The following TRIM2 variants were observed in gnomAD, a reference collection of about 807,000 sequenced individuals.
The protein encoded by TRIM2 is tripartite motif-containing protein 2.
TRIM2 carries 20 observed loss-of-function variants against 75.2 expected under a neutral mutation model. That is an observed-to-expected ratio of 0.27 (90% CI 0.19 to 0.39). TRIM2 has a LOEUF of 0.39. Among genes scored for constraint, TRIM2 ranks in the 10% least tolerant of loss-of-function variants. The pLI is 1.00. For missense variants in TRIM2, 660 were observed against 990.8 expected, an observed-to-expected ratio of 0.67 and a Z score of 4.48; for synonymous variants, 373 against 388.3, an observed-to-expected ratio of 0.96 and a Z score of 0.46.
intron 1 of TRIM2, among the ~76,000 whole-genome samples, chr4:153,264,244 A>C (rs139644218): frequency 6.6e-6 from 1 of 152,214 alleles, no homozygotes; most frequent in Non-Finnish European, 1.5e-5. Context: ...GCTAAGGTCA[A>C]TATCAAACTA....
chr4:153,263,480 T>A (rs6819145), intron 1 of TRIM2, among the ~76,000 whole-genome samples: 5,404 of 152,266 alleles, frequency 0.035, 308 homozygotes, highest in African/African-American at 0.12. Context: ...TCCGTTTCCA[T>A]GTTATATTTC....
rs144326471 is a variant in TRIM2 at position 153,318,124 on chromosome 4, A to G, written c.1782+2125A>G. ...TTTGGTCAGCTGTGATCTGGGCTTCATGTCCTCATGCAGGCACCTGGTGGT... is the reference window on the plus strand; with the variant it reads ...TTTGGTCAGCTGTGATCTGGGCTTCGTGTCCTCATGCAGGCACCTGGTGGT... On this transcript the variant is annotated intron_variant, in intron 8 of 11. Coordinates refer to ENST00000338700, the MANE Select transcript of TRIM2 (RefSeq NM_015271.5). Among the ~76,000 whole-genome samples, 1,219 of 152,340 alleles carry G rather than the reference A, an allele frequency of 8.0e-3. 18 individuals are homozygous for G. Among genetic ancestry groups the G allele is most frequent in the African/African-American group, 0.027 (1,107 of 41,560 alleles).
At chr4:153,333,091 G>C (rs184251125) in intron 11 of TRIM2, among the ~76,000 whole-genome samples, 1 of 152,252 alleles carries the variant, frequency 6.6e-6, no homozygotes, top group East Asian at 1.9e-4. Context: ...ATAGGTTCAT[G>C]ATTAAACAAA....
At chr4:153,310,477 A>G (rs987560563) in intron 6 of TRIM2, among the ~76,000 whole-genome samples, 10 of 152,232 alleles carry the variant, frequency 6.6e-5, no homozygotes, top group African/African-American at 1.7e-4. Context: ...ACATTGCAGC[A>G]TAATGACAAT....
intron 11 of TRIM2, among the ~76,000 whole-genome samples, chr4:153,330,106 C>T (rs1179965720): frequency 6.6e-6 from 1 of 152,144 alleles, no homozygotes; most frequent in African/African-American, 2.4e-5. Flanking sequence ...AAAATACCAA[C>T]TCCACAACTC....
intron 1 of TRIM2, among the ~76,000 whole-genome samples, chr4:153,205,391 G>A (rs902992788): frequency 1.3e-5 from 2 of 152,150 alleles, no homozygotes; most frequent in Admixed American, 6.5e-5. Context: ...GGCACCTGTC[G>A]TAGCTCACGG....
intron 1 of TRIM2, among the ~76,000 whole-genome samples, chr4:153,221,763 T>TAAGGAAGGAAGGAAAGCGC (rs370972042): frequency 0.13 from 9,659 of 76,198 alleles, 1,516 homozygotes; most frequent in African/African-American, 0.39. Context: ...AGGGAGGAAA[T>TAAGGAAGGAAGGAAAGCGC]AAGGAAGGAA....
Position 153,221,216 on chromosome 4 carries a change from T to A in TRIM2, c.30+16656T>A, listed in dbSNP as rs537061339. 4.6e-5 allele frequency among the ~76,000 whole-genome samples: 7 copies of A among 152,136 alleles called. No individual in the cohort carries two copies. The South Asian group carries it at 1.5e-3, about 32-fold the overall frequency. ...TGGATTCCTGAGTAAACTGAAAAAA[T>A]TTTGCTGAGTGAAAGAAGCCAGACA... On this transcript the variant is annotated intron_variant, in intron 1 of 11. Transcript: ENST00000338700.
At chr4:153,329,765 A>T (rs1579797540) in intron 11 of TRIM2, among the ~76,000 whole-genome samples, 1 of 151,996 alleles carries the variant, frequency 6.6e-6, no homozygotes, top group Non-Finnish European at 1.5e-5. Flanking sequence ...TGAACCCAGG[A>T]GGAAGAGGCT....
intron 1 of TRIM2, among the ~76,000 whole-genome samples, chr4:153,245,890 G>T (rs552429936): frequency 2.4e-4 from 36 of 152,218 alleles, no homozygotes; most frequent in African/African-American, 7.7e-4. Flanking sequence ...TGTTGCCCAG[G>T]CTGGTCTCAA....
At chr4:153,162,927 T>C (rs1415356290) in intron 1 of TRIM2, among the ~76,000 whole-genome samples, 1 of 152,166 alleles carries the variant, frequency 6.6e-6, no homozygotes, top group Admixed American at 6.5e-5. Context: ...GGTTGGGACA[T>C]GGACCATGCT....
intron 1 of TRIM2, among the ~76,000 whole-genome samples, chr4:153,169,997 A>G (rs976166595): frequency 1.1e-4 from 17 of 152,240 alleles, no homozygotes; most frequent in Non-Finnish European, 2.9e-5. Context: ...GTGGCCATCC[A>G]TGGAGGTATT....
At chr4:153,260,700 C>CCCACACA (rs1560902966) in intron 1 of TRIM2, among the ~76,000 whole-genome samples, 12 of 67,898 alleles carry the variant, frequency 1.8e-4, no homozygotes, top group South Asian at 1.8e-3. Flanking sequence ...ACCCCCCCCC[C>CCCACACA]CACACACACA....
At chr4:153,203,009 G>T (rs913550590), upstream of TRIM2, among the ~76,000 whole-genome samples, 2 of 149,820 alleles carry the variant, frequency 1.3e-5, no homozygotes, top group African/African-American at 4.9e-5. Flanking sequence ...GGAGCCTGAG[G>T]CACAAGAATC....
At chr4:153,289,865 C>T (rs1392853538) in intron 3 of TRIM2, among the ~76,000 whole-genome samples, 1 of 152,198 alleles carries the variant, frequency 6.6e-6, no homozygotes, top group Non-Finnish European at 1.5e-5. Flanking sequence ...GGCATATTCC[C>T]TCAGTCCATA....
At chr4:153,236,339 C>T (rs1745026132) in intron 1 of TRIM2, among the ~76,000 whole-genome samples, 1 of 152,102 alleles carries the variant, frequency 6.6e-6, no homozygotes, top group African/African-American at 2.4e-5. Context: ...CACCTTGTAC[C>T]TCATACCATG....
At chr4:153,249,183 G>T (rs1039382745) in intron 1 of TRIM2, among the ~76,000 whole-genome samples, 1 of 152,242 alleles carries the variant, frequency 6.6e-6, no homozygotes, top group East Asian at 1.9e-4. Context: ...GTTAGAAAAG[G>T]AAACCTAGAG....
In TRIM2 at chr4:153,249,553, A is replaced by G. The variant is rs147943640; in HGVS notation, c.31-20782A>G. Reference sequence around the variant, plus strand: ...GGACCGAGAGGAAAGCATGTGTGGAAGAGGCAGGCATTATTAGCAGCGCGT... The same window carrying G: ...GGACCGAGAGGAAAGCATGTGTGGAGGAGGCAGGCATTATTAGCAGCGCGT... On this transcript the variant is annotated intron_variant, in intron 1 of 11. Transcript: ENST00000338700. Among the ~76,000 whole-genome samples the G allele has an allele frequency of 7.3e-5, 11 of 151,638 alleles. No individual in the cohort carries two copies. In the East Asian group the frequency reaches 2.1e-3, roughly 29 times the overall value.
intron 1 of TRIM2, among the ~76,000 whole-genome samples, chr4:153,184,076 G>A (rs560705446): frequency 6.6e-6 from 1 of 152,302 alleles, no homozygotes; most frequent in South Asian, 2.1e-4. Context: ...GCTTCCTGAA[G>A]GGCATGGGTG....
Sources: gnomAD v4.1 joint callset for allele counts (sites outside exome capture counted in the v4.1 genomes callset) on GRCh38, gnomAD v4.1.1 for gene constraint, MANE v1.5 for transcripts, NCBI Gene and HGNC (gene_info 2026-07-23, HGNC 2026-07-21) for gene names.